The following ZMAT4 variants were observed in gnomAD, a reference collection of about 807,000 sequenced individuals.
The protein encoded by ZMAT4 is zinc finger matrin-type 4.
ZMAT4 carries 17 observed loss-of-function variants against 28.7 expected under a neutral mutation model. That is an observed-to-expected ratio of 0.59 (90% CI 0.41 to 0.89). ZMAT4 has a LOEUF of 0.89. ZMAT4 is among the 40% of genes least tolerant of loss of function. The probability of loss-of-function intolerance (pLI) is 0.00; values close to 1 mark genes in which losing one functional copy is unlikely to be tolerated. For missense variants in ZMAT4, 240 were observed against 283.8 expected, an observed-to-expected ratio of 0.85 and a Z score of 1.11; for synonymous variants, 117 against 109.2, an observed-to-expected ratio of 1.07 and a Z score of -0.44.
intron 4 of ZMAT4, among the ~76,000 whole-genome samples, chr8:40,681,360 C>G (rs1809156857): frequency 6.6e-6 from 1 of 152,198 alleles, no homozygotes. Flanking sequence ...GATTTCCAGT[C>G]CCTATGATAA....
rs10624990 is a variant in ZMAT4, at chr8:40,742,087, A to AAAAAAAAAC, written c.192+25553_192+25554insGTTTTTTTT. 9.7e-3 allele frequency among the ~76,000 whole-genome samples: 1,447 copies of AAAAAAAAAC among 148,642 alleles called. 15 individuals are homozygous for AAAAAAAAAC. The highest frequency in any genetic ancestry group is 0.016 in the African/African-American group (630 of 40,536). On this transcript the variant is annotated intron_variant, in intron 3 of 6. Coordinates refer to ENST00000297737, the MANE Select transcript of ZMAT4 (RefSeq NM_024645.3). ...AACTCTGTCTCTACTAAAAATACAAAAAAAAACAAAAAACAAAAAACCAAG... is the reference window on the plus strand; with the variant it reads ...AACTCTGTCTCTACTAAAAATACAAAAAAAAAAACAAAAAACAAAAAACAAAAAACCAAG...
At chr8:40,710,025 G>A (rs1322940952) in intron 3 of ZMAT4, among the ~76,000 whole-genome samples, 5 of 141,304 alleles carry the variant, frequency 3.5e-5, no homozygotes, top group African/African-American at 1.3e-4. Flanking sequence ...GCAACAGTCT[G>A]AGACCCAGTC....
chr8:40,892,450 C>A (rs1375245648), intron 1 of ZMAT4, among the ~76,000 whole-genome samples: 1 of 152,224 alleles, frequency 6.6e-6, no homozygotes, highest in Non-Finnish European at 1.5e-5. Flanking sequence ...TCGGCATAAA[C>A]AGGGAAGCTG....
At chr8:40,743,830 G>A (rs927301045) in intron 3 of ZMAT4, among the ~76,000 whole-genome samples, 9 of 152,102 alleles carry the variant, frequency 5.9e-5, no homozygotes, top group African/African-American at 2.2e-4. Context: ...ACAGGGGCAC[G>A]GAGAAGGAGC....
chr8:40,589,241 G>A (rs963756067), intron 5 of ZMAT4, among the ~76,000 whole-genome samples: 2 of 152,150 alleles, frequency 1.3e-5, no homozygotes, highest in Non-Finnish European at 2.9e-5. Flanking sequence ...TTAACAGAGA[G>A]GAAACTGAGG....
In ZMAT4 at chr8:40,551,092, C is replaced by T. The variant is rs538953330; in HGVS notation, c.675-18854G>A. Among the ~76,000 whole-genome samples the T allele has an allele frequency of 3.9e-4, 60 of 152,202 alleles. 1 individual carries two copies. In the East Asian group the frequency reaches 0.01, roughly 26 times the overall value. On this transcript the variant is annotated intron_variant, in intron 6 of 6. Transcript: ENST00000297737. ...GTCTCATACAACATCTCTGTATCCA[C>T]AAAAGTGAGCAGAGTGGCTGGCCTA...
At chr8:40,627,621 G>T (rs1002774244) in intron 5 of ZMAT4, among the ~76,000 whole-genome samples, 2 of 152,076 alleles carry the variant, frequency 1.3e-5, no homozygotes, top group Non-Finnish European at 2.9e-5. Flanking sequence ...TATAAGCAGG[G>T]AATACAATTA....
intron 1 of ZMAT4, among the ~76,000 whole-genome samples, chr8:40,891,664 G>GA (rs1001096145): frequency 3.9e-5 from 6 of 152,082 alleles, no homozygotes; most frequent in African/African-American, 9.7e-5. Context: ...TCCTGCAGGA[G>GA]AAAAAACCCC....
chr8:40,665,221 CA>C (rs139403907), intron 5 of ZMAT4, among the ~76,000 whole-genome samples: 4 of 148,578 alleles, frequency 2.7e-5, no homozygotes, highest in Non-Finnish European at 6.0e-5. Flanking sequence ...CAAACAACAA[CA>C]AAAAAACACA....
At chr8:40,820,909 G>GTGTGTGTGTT (rs1554564149) in intron 2 of ZMAT4, among the ~76,000 whole-genome samples, 1 of 146,138 alleles carries the variant, frequency 6.8e-6, no homozygotes, top group African/African-American at 2.5e-5. Flanking sequence ...GTGTTTGTGT[G>GTGTGTGTGTT]TATGTGTGTG....
intron 2 of ZMAT4, among the ~76,000 whole-genome samples, chr8:40,773,468 C>CT (rs1036245425): frequency 6.6e-6 from 1 of 151,278 alleles, no homozygotes; most frequent in Non-Finnish European, 1.5e-5. Flanking sequence ...ACATGGCTGG[C>CT]TTTAATAACC....
chr8:40,573,975 A>G (rs1298191893), intron 6 of ZMAT4, among the ~76,000 whole-genome samples: 1 of 152,204 alleles, frequency 6.6e-6, no homozygotes, highest in Non-Finnish European at 1.5e-5. Flanking sequence ...ACTTCTTTAG[A>G]TATTATTAGT....
At chr8:40,749,641 C>G (rs1323003634) in intron 3 of ZMAT4, among the ~76,000 whole-genome samples, 1 of 152,302 alleles carries the variant, frequency 6.6e-6, no homozygotes, top group African/African-American at 2.4e-5. Flanking sequence ...ATTCCTTGAG[C>G]TACTCTCACA....
chr8:40,842,393 T>G (rs1489598762), intron 1 of ZMAT4, among the ~76,000 whole-genome samples: 1 of 152,274 alleles, frequency 6.6e-6, no homozygotes, highest in Non-Finnish European at 1.5e-5. Context: ...TTCAAGGGTC[T>G]TGTAATCCTT....
At chr8:40,623,217 A>C (rs543967597) in intron 5 of ZMAT4, among the ~76,000 whole-genome samples, 1 of 152,296 alleles carries the variant, frequency 6.6e-6, no homozygotes, top group East Asian at 1.9e-4. Context: ...GTAACAGAAG[A>C]AGCCCAGCTA....
intron 5 of ZMAT4, among the ~76,000 whole-genome samples, chr8:40,594,851 A>G (rs1805035320): frequency 6.6e-6 from 1 of 152,166 alleles, no homozygotes; most frequent in Non-Finnish European, 1.5e-5. Flanking sequence ...TTATATACTA[A>G]TCATCCTATA....
At chr8:40,594,563 G>A (rs1264992095) in intron 5 of ZMAT4, among the ~76,000 whole-genome samples, 1 of 152,126 alleles carries the variant, frequency 6.6e-6, no homozygotes, top group Non-Finnish European at 1.5e-5. Flanking sequence ...TACTCAAAGA[G>A]TTAATATGAA....
chr8:40,716,508 A>G (rs1055770483), intron 3 of ZMAT4, among the ~76,000 whole-genome samples: 1 of 152,168 alleles, frequency 6.6e-6, no homozygotes, highest in Admixed American at 6.5e-5. Context: ...CCTGGCCAAG[A>G]TGGCGAAACC....
intron 5 of ZMAT4, among the ~76,000 whole-genome samples, chr8:40,662,086 C>T (rs781008243): frequency 7.9e-5 from 12 of 152,168 alleles, no homozygotes; most frequent in Admixed American, 1.3e-4. Flanking sequence ...AAGTGATTCT[C>T]CCAGTTCAAC....
Sources: gnomAD v4.1 joint callset for allele counts (sites outside exome capture counted in the v4.1 genomes callset) on GRCh38, gnomAD v4.1.1 for gene constraint, MANE v1.5 for transcripts, NCBI Gene and HGNC (gene_info 2026-07-23, HGNC 2026-07-21) for gene names.